CCDC90B: variants seen among roughly 807,000 people sequenced by gnomAD.
CCDC90B encodes the protein coiled-coil domain-containing protein 90B, mitochondrial.
CCDC90B carries 24 observed loss-of-function variants against 37.0 expected under a neutral mutation model. The ratio of observed to expected loss-of-function variants is 0.65; its 90% CI spans 0.47 to 0.91. The LOEUF is 0.91. Ranked by LOEUF, CCDC90B falls within the 40% of genes least tolerant of loss-of-function variation. The probability of loss-of-function intolerance (pLI) is 0.00; values close to 1 mark genes in which losing one functional copy is unlikely to be tolerated. For missense variants in CCDC90B, 319 were observed against 299.0 expected (o/e 1.07, Z -0.49); for synonymous variants, 113 against 101.1 (o/e 1.12, Z -0.71).
chr11:83,284,978 C>A, intron 1 of CCDC90B: 3 of 346,966 alleles, frequency 8.6e-6, no homozygotes, highest in Non-Finnish European at 1.4e-5. Flanking sequence ...AAACAGCAAT[C>A]TCACAGATGG....
At chr11:83,282,660 C>T (rs511682) in intron 1 of CCDC90B, among the ~76,000 whole-genome samples, 42,236 of 152,162 alleles carry the variant, frequency 0.28, 6,399 homozygotes, top group Non-Finnish European at 0.35. Context: ...CTAGCCCCTG[C>T]CCTGTTCAGA....
Position 83,285,206 on chromosome 11 carries a change from T to TA in CCDC90B, c.100+666dup, listed in dbSNP as rs1865608827. ...TTTTGTGGACAACCTTAAAACGGTT[T>TA]AAAAACTGGGAGGGAAGTTAAAAAA... On this transcript the variant is annotated intron_variant, in intron 1 of 8. Coordinates refer to ENST00000529689, the MANE Select transcript of CCDC90B (RefSeq NM_021825.5). 4 of 1,285,940 alleles carry TA rather than the reference T, an allele frequency of 3.1e-6. No individual in the cohort carries two copies. In the Admixed American group the frequency reaches 9.4e-5, roughly 30 times the overall value. The allele number at this position is 1,285,940 out of a possible 1,614,324, so 79.7% of individuals were successfully genotyped here. A position where few individuals can be genotyped will look rare whatever the true frequency, so the allele number is the denominator to read the frequency against.
At position 83,260,454 on chromosome 11, in the gene CCDC90B, T is replaced by C. The variant is rs1256602668; in HGVS notation, c.*1457A>G. The C allele has an allele frequency of 6.6e-6, 1 of 152,156 alleles. No homozygotes were observed. Among genetic ancestry groups the C allele is most frequent in the East Asian group, 1.9e-4 (1 of 5,188 alleles). The allele number at this position is 152,156 out of a possible 1,614,324, so 9.4% of individuals were successfully genotyped here. ...CTCTCTTAGGCAATAGAGATAAAAA[T>C]GAATCAGAATGTAACAGGATAATGT... On this transcript the variant is annotated 3_prime_UTR_variant, in exon 9 of 9. Coordinates refer to ENST00000529689, the MANE Select transcript of CCDC90B (RefSeq NM_021825.5).
chr11:83,277,737 CTG>C (rs1023777119), intron 3 of CCDC90B, among the ~76,000 whole-genome samples: 3 of 151,922 alleles, frequency 2.0e-5, no homozygotes, highest in African/African-American at 7.3e-5. Context: ...CTCAAGTGAT[CTG>C]TGTACCTCAG....
rs560225606 is a variant in CCDC90B, at chr11:83,262,207, A to G, written c.710-241T>C. Among the ~76,000 whole-genome samples, 8 of 152,294 alleles carry G rather than the reference A, an allele frequency of 5.3e-5. No homozygotes were observed. In the South Asian group the frequency reaches 1.7e-3, roughly 32 times the overall value. ...TGTAAATTATGTCATTTAGAAACCTATAACCTGTATTTAAAATCATTAACG... is the reference window on the plus strand; with the variant it reads ...TGTAAATTATGTCATTTAGAAACCTGTAACCTGTATTTAAAATCATTAACG... On this transcript the variant is annotated intron_variant, in intron 8 of 8. Transcript: ENST00000529689.
rs1863830137 is a variant in CCDC90B at position 83,259,223 on chromosome 11, A to G, written c.*2688T>C. On this transcript the variant is annotated 3_prime_UTR_variant, in exon 9 of 9. Transcript: ENST00000529689. ...AATTGCTGTTTCATAGTGAAGTGCA[A>G]GTGCTGGAATAGAGGTATAGTTTTA... is the stretch of plus-strand genomic sequence containing the variant. 6.6e-6 allele frequency: 1 copy of G among 152,184 alleles called. No individual in the cohort carries two copies. Among genetic ancestry groups the G allele is most frequent in the Non-Finnish European group, 1.5e-5 (1 of 68,040 alleles). The allele number at this position is 152,184 out of a possible 1,614,324, so 9.4% of individuals were successfully genotyped here.
chr11:83,273,996 G>C lies in CCDC90B; in HGVS notation c.427-4C>G. On this transcript the variant is annotated splice_region_variant and splice_polypyrimidine_tract_variant and intron_variant, in intron 4 of 8. Transcript: ENST00000529689. ...GGTCTAATTCAATTTTCATTTTCTA[G>C]GTACAGGAAAGATCACATGCAATTA... 6.4e-7 allele frequency: 1 copy of C among 1,550,438 alleles called. No homozygotes were observed. The highest frequency in any genetic ancestry group is 8.7e-7 in the Non-Finnish European group (1 of 1,151,056).
chr11:83,274,785 T>C, intron 3 of CCDC90B, 45 bp from the exon 4 acceptor site: 1 of 1,192,034 alleles, frequency 8.4e-7, no homozygotes, highest in South Asian at 1.3e-5. Context: ...TAGAAAGCCA[T>C]CTTTTTATTT....
Position 83,285,963 on chromosome 11 carries a change from G to C in CCDC90B, c.10C>G (p.Arg4Gly), listed in dbSNP as rs777231679. ...GAGAGAAAGAGCCGCCAAGCCTGGC[G>C]ACTATTCATGTCCTCAGAGTTTTCC... MNS[R>G]QAWRLFLSQG... Residue 4 changes from arginine (R) to glycine (G), a missense_variant, in exon 1 of 9, where the codon CGC (arginine) becomes GGC (glycine). By Grantham distance (125) the Arg-to-Gly change is moderately radical (BLOSUM62 -2). Transcript: ENST00000529689. 6.2e-7 allele frequency: 1 copy of C among 1,610,964 alleles called. No homozygotes were observed.
Position 83,265,852 on chromosome 11 carries a change from C to G in CCDC90B, c.709+13G>C. 1.3e-6 allele frequency: 2 copies of G among 1,515,698 alleles called. No individual in the cohort carries two copies. The highest frequency in any genetic ancestry group is 1.8e-6 in the Non-Finnish European group (2 of 1,095,102). 93.9% of individuals were successfully genotyped at this position (1,515,698 alleles called of 1,614,324 possible). A position where few individuals can be genotyped will look rare whatever the true frequency, so the allele number is the denominator to read the frequency against. ...AATTAGATGACAGCAATTTCTTTCT[C>G]TGACAGTCTTACCTGCAAGATAACG... On this transcript the variant is annotated intron_variant, in intron 8 of 8. Coordinates refer to ENST00000529689, the MANE Select transcript of CCDC90B (RefSeq NM_021825.5).
chr11:83,279,524 TTATAGCA>T (rs1433555059), intron 2 of CCDC90B, among the ~76,000 whole-genome samples: 2 of 152,196 alleles, frequency 1.3e-5, no homozygotes, highest in African/African-American at 4.8e-5. Context: ...TTCTGCTTGT[TTATAGCA>T]TTTGCCCACC....
chr11:83,280,169 A>T lies in CCDC90B; in HGVS notation c.192T>A (p.His64Gln). The T allele has an allele frequency of 5.0e-6, 8 of 1,612,660 alleles. No homozygotes were observed. Among genetic ancestry groups the T allele is most frequent in the Non-Finnish European group, 6.8e-6 (8 of 1,179,848 alleles). ...LEQRKLTFDT[H>Q]ALVQDLETHG... Reference sequence around the variant, plus strand: ...GAGTTTCCAAGTCCTGAACCAATGCATGGGTATCAAAAGTTAATTTCCTTT... The same window carrying T: ...GAGTTTCCAAGTCCTGAACCAATGCTTGGGTATCAAAAGTTAATTTCCTTT... Residue 64 changes from histidine to glutamine, a missense_variant, in exon 2 of 9, where the codon CAT becomes CAA. Physicochemically the swap from His to Gln is conservative, Grantham distance 24. Transcript: ENST00000529689.
In CCDC90B at chr11:83,259,331, A is replaced by C. The variant is rs1387829645; in HGVS notation, c.*2580T>G. The C allele has an allele frequency of 1.3e-5, 2 of 152,192 alleles. No homozygotes were observed. Among genetic ancestry groups the C allele is most frequent in the African/African-American group, 4.8e-5 (2 of 41,446 alleles). 9.4% of individuals were successfully genotyped at this position (152,192 alleles called of 1,614,324 possible). On this transcript the variant is annotated 3_prime_UTR_variant, in exon 9 of 9. Coordinates refer to ENST00000529689, the MANE Select transcript of CCDC90B (RefSeq NM_021825.5). ...AAAAATTTACCTGAACCCCAGAACC[A>C]CCATCAAAATGAAGTTTCATGGAAA...
At position 83,286,139 on chromosome 11, in the gene CCDC90B, T is replaced by C. The variant is rs2135685579; in HGVS notation, c.-167A>G. On this transcript the variant is annotated 5_prime_UTR_variant, in exon 1 of 9. Coordinates refer to ENST00000529689, the MANE Select transcript of CCDC90B (RefSeq NM_021825.5). ...GCCACCGTGGTCCCACGAAACTGGG[T>C]CTCTTCACAGACAGACCCACAGTTC... 6.5e-7 allele frequency: 1 copy of C among 1,536,142 alleles called. No homozygotes were observed. The highest frequency in any genetic ancestry group is 8.7e-7 in the Non-Finnish European group (1 of 1,146,914).
intron 1 of CCDC90B, 114 bp downstream of exon 1, chr11:83,285,759 T>G: frequency 6.8e-7 from 1 of 1,473,186 alleles, no homozygotes; most frequent in South Asian, 1.4e-5. Flanking sequence ...AAGGCGTGAA[T>G]CCGGGAGGAG....
intron 1 of CCDC90B, among the ~76,000 whole-genome samples, chr11:83,283,228 T>C (rs1304526306): frequency 6.6e-6 from 1 of 152,202 alleles, no homozygotes; most frequent in African/African-American, 2.4e-5. Flanking sequence ...GTATACACAA[T>C]GATGAATAAT....
rs965969974 is a variant in CCDC90B at position 83,285,576 on chromosome 11, T to C, written c.100+297A>G. The C allele has an allele frequency of 2.4e-6, 3 of 1,262,568 alleles. No homozygotes were observed. In the African/African-American group the frequency reaches 4.6e-5, roughly 19 times the overall value. The allele number at this position is 1,262,568 out of a possible 1,614,324, so 78.2% of individuals were successfully genotyped here. A position where few individuals can be genotyped will look rare whatever the true frequency, so the allele number is the denominator to read the frequency against. ...ACCTTACGTTGGCTCCTGACGAGAT[T>C]ACTAGCCTCTTGTCACCAAAAAACG... On this transcript the variant is annotated intron_variant, in intron 1 of 8. Coordinates refer to ENST00000529689, the MANE Select transcript of CCDC90B (RefSeq NM_021825.5).
chr11:83,262,036 GTTATCT>G, intron 8 of CCDC90B, 70 bp from the exon 9 acceptor site: 1 of 1,092,380 alleles, frequency 9.2e-7, no homozygotes, highest in Non-Finnish European at 1.3e-6. Flanking sequence ...AGAGAATAAT[GTTATCT>G]TTAAGTGAAG....
At chr11:83,267,200 C>T (rs1039877519) in intron 7 of CCDC90B, 1 of 152,232 alleles carries the variant, frequency 6.6e-6, no homozygotes, top group Non-Finnish European at 1.5e-5. Flanking sequence ...CATAGTGCCT[C>T]TTCTCCTCCA....
Sources: allele counts gnomAD v4.1 joint callset (sites outside exome capture counted in the v4.1 genomes callset), GRCh38; gene constraint gnomAD v4.1.1; transcripts MANE v1.5; gene names NCBI Gene and HGNC (gene_info 2026-07-23, HGNC 2026-07-21).